PI4KA: variants seen among roughly 807,000 people sequenced by gnomAD.
The protein encoded by PI4KA is phosphatidylinositol 4-kinase alpha.
In PI4KA, 122 loss-of-function variants were observed where a neutral mutation model predicts 271.4. That is an observed-to-expected ratio of 0.45 (90% CI 0.39 to 0.52). The LOEUF is 0.52. Among genes scored for constraint, PI4KA ranks in the 20% least tolerant of loss-of-function variants. The probability of loss-of-function intolerance (pLI) is 0.00; values close to 1 mark genes in which losing one functional copy is unlikely to be tolerated. For missense variants in PI4KA, 1,969 were observed against 2,769.1 expected (o/e 0.71, Z 6.48); for synonymous variants, 1,041 against 1,078.8 (o/e 0.96, Z 0.69).
chr22:20,835,924 T>C (rs186344611), intron 2 of PI4KA, among the ~76,000 whole-genome samples: 36 of 152,076 alleles, frequency 2.4e-4, no homozygotes, highest in African/African-American at 8.4e-4. Flanking sequence ...GGTGGGCACC[T>C]GTAGTCTCAG....
chr22:20,785,071 T>C (rs1427123794), intron 19 of PI4KA, among the ~76,000 whole-genome samples: 4 of 150,396 alleles, frequency 2.7e-5, no homozygotes, highest in Admixed American at 2.0e-4. Flanking sequence ...CTGCATCTTT[T>C]TTTTTTTTTT....
At chr22:20,799,003 T>C in intron 16 of PI4KA, 90 bp downstream of exon 16, 10 of 1,054,580 alleles carry the variant, frequency 9.5e-6, no homozygotes, top group Non-Finnish European at 1.2e-5. Flanking sequence ...CTGCAAGGTA[T>C]ATTTAATCTG....
At chr22:20,804,453 T>C in intron 11 of PI4KA, 53 bp from the exon 12 acceptor site, 1 of 1,190,070 alleles carries the variant, frequency 8.4e-7, no homozygotes, top group Non-Finnish European at 1.3e-6. Context: ...CCAGTCTTTC[T>C]AACACACTTA....
chr22:20,721,479 C>A, intron 42 of PI4KA, 61 bp from the exon 43 acceptor site: 9 of 1,590,868 alleles, frequency 5.7e-6, no homozygotes, highest in South Asian at 1.1e-5. Flanking sequence ...AGGGCCTTGT[C>A]AGCAGCTGCT....
intron 42 of PI4KA, chr22:20,725,721 C>G (rs1927269592): frequency 3.5e-6 from 1 of 284,062 alleles, no homozygotes; most frequent in South Asian, 3.1e-5. Context: ...CATAGCGAAA[C>G]TCCATCTCTA....
At chr22:20,822,325 G>A (rs1922817111) in intron 4 of PI4KA, among the ~76,000 whole-genome samples, 1 of 152,178 alleles carries the variant, frequency 6.6e-6, no homozygotes, top group South Asian at 2.1e-4. Flanking sequence ...GGGATTACAG[G>A]CGTGAGCCAC....
At chr22:20,714,135 A>C (rs1925677531) in intron 47 of PI4KA, among the ~76,000 whole-genome samples, 1 of 152,164 alleles carries the variant, frequency 6.6e-6, no homozygotes, top group South Asian at 2.1e-4. Flanking sequence ...GATGGACTCC[A>C]GCCTCCAGAA....
intron 1 of PI4KA, among the ~76,000 whole-genome samples, chr22:20,851,634 G>A (rs1222183475): frequency 2.6e-5 from 4 of 152,110 alleles, no homozygotes; most frequent in Non-Finnish European, 5.9e-5. Context: ...CACTGTGCCC[G>A]GCTGCGTTGG....
At chr22:20,837,051 G>A (rs1212352674) in intron 2 of PI4KA, among the ~76,000 whole-genome samples, 1 of 151,326 alleles carries the variant, frequency 6.6e-6, no homozygotes, top group African/African-American at 2.4e-5. Context: ...GTAGGATATG[G>A]TAAACAGAAA....
In PI4KA at chr22:20,799,104, T is replaced by C. The variant is rs774514753; in HGVS notation, c.1993A>G (p.Ile665Val). 1.2e-6 allele frequency: 2 copies of C among 1,613,350 alleles called. No individual in the cohort carries two copies. Among genetic ancestry groups the C allele is most frequent in the African/African-American group, 1.3e-5 (1 of 74,892 alleles). Reference sequence around the variant, plus strand: ...CTGGCCTCCCTTACATTTCCGGTGATAACCAGGCAGCCCAGCTGGTCAATA... The same window carrying C: ...CTGGCCTCCCTTACATTTCCGGTGACAACCAGGCAGCCCAGCTGGTCAATA... ...LIIDQLGCLV[I>V]TGNQYIYQEV... is the part of the protein sequence containing the mutation. The change falls in exon 16 of 55, where the codon ATC becomes GTC. Residue 665 changes from isoleucine to valine, a missense_variant. Transcript: ENST00000255882.
intron 43 of PI4KA, among the ~76,000 whole-genome samples, chr22:20,719,495 C>T (rs1218263413): frequency 2.0e-5 from 3 of 152,138 alleles, no homozygotes; most frequent in East Asian, 1.9e-4. Flanking sequence ...CTAAGGCAGG[C>T]GCTGTCCTGA....
chr22:20,802,062 G>A lies in PI4KA; in HGVS notation c.1635C>T (p.Ser545=), dbSNP rs745509546. 6.8e-6 allele frequency: 11 copies of A among 1,613,898 alleles called. No homozygotes were observed. The highest frequency in any genetic ancestry group is 3.3e-5 in the South Asian group (3 of 91,074). Residue 545 remains serine, a synonymous_variant, in exon 14 of 55, where the codon TCC becomes TCT. Transcript: ENST00000255882. ...DIKISVTNEH[S]ESTLNVMSGK... ...CCGACATGACGTTCAGGGTTGACTCGGAATGCTCATTGGTCACACTGATTT... is the reference window on the plus strand; with the variant it reads ...CCGACATGACGTTCAGGGTTGACTCAGAATGCTCATTGGTCACACTGATTT...
At chr22:20,718,233 A>G (rs963950966) in intron 44 of PI4KA, among the ~76,000 whole-genome samples, 1 of 152,206 alleles carries the variant, frequency 6.6e-6, no homozygotes, top group Admixed American at 6.5e-5. Context: ...CCAGGGTTTC[A>G]TCCCTTATGA....
rs371018669 is a variant in PI4KA at position 20,732,004 on chromosome 22, C to T, written c.4288+967G>A. Among the ~76,000 whole-genome samples the T allele has an allele frequency of 1.1e-4, 16 of 150,698 alleles. 1 individual carries two copies. In the East Asian group the frequency reaches 1.6e-3, roughly 15 times the overall value. On this transcript the variant is annotated intron_variant, in intron 36 of 54. Coordinates refer to ENST00000255882, the MANE Select transcript of PI4KA (RefSeq NM_058004.4). ...TGGCTAACACGGTGAAACCCCGTCT[C>T]TACTAAAAAAATACAAAAAATTAGG...
At chr22:20,799,626 C>A in intron 15 of PI4KA, 45 bp downstream of exon 15, 11 of 1,386,498 alleles carry the variant, frequency 7.9e-6, no homozygotes, top group Non-Finnish European at 1.1e-5. Context: ...CACGAGCCTG[C>A]TGAGAACAAT....
At chr22:20,811,143 G>C in intron 8 of PI4KA, 111 bp from the exon 9 acceptor site, 1 of 794,078 alleles carries the variant, frequency 1.3e-6, no homozygotes, top group Non-Finnish European at 2.2e-6. Flanking sequence ...ATGTGATGCA[G>C]ATAAAGGCCA....
At chr22:20,732,866 G>A in intron 36 of PI4KA, 105 bp downstream of exon 36, 1 of 1,321,836 alleles carries the variant, frequency 7.6e-7, no homozygotes. Context: ...GCTCAGGGGG[G>A]TCTAACTGCT....
chr22:20,850,466 C>T (rs138367065), intron 1 of PI4KA, among the ~76,000 whole-genome samples: 235 of 151,402 alleles, frequency 1.6e-3, no homozygotes, highest in Non-Finnish European at 2.7e-3. Context: ...TTTTTTGAGA[C>T]GGTGTCTTGC....
chr22:20,765,666 C>G lies in PI4KA; in HGVS notation c.2356G>C (p.Glu786Gln). ...AGCTTCTGTAACCGAGGCTTAGCTT[C>G]TTTGATGGGTGGCAGTCGTCGGGTG... ...VLTRRLPPIK[E>Q]AKPRLQKLFR... The change falls in exon 20 of 55, where the codon GAA (glutamate) becomes CAA (glutamine). Residue 786 changes from glutamate to glutamine, a missense_variant. By Grantham distance (29) the Glu-to-Gln change is conservative. Around this residue, in one of 13 missense-constraint regions of PI4KA, gnomAD observed 368 missense variants for 544.3 expected, o/e 0.68. Transcript: ENST00000255882. 2.5e-6 allele frequency: 4 copies of G among 1,611,354 alleles called. No homozygotes were observed. The highest frequency in any genetic ancestry group is 3.4e-6 in the Non-Finnish European group (4 of 1,177,732).
Sources: allele counts gnomAD v4.1 joint callset (sites outside exome capture counted in the v4.1 genomes callset), GRCh38; gene constraint gnomAD v4.1.1; regional missense constraint gnomAD v4.1.1; transcripts MANE v1.5; gene names NCBI Gene and HGNC (gene_info 2026-07-23, HGNC 2026-07-21).